Variants in GPC6 observed in about 807,000 individuals in gnomAD.
The protein encoded by GPC6 is glypican-6.
GPC6 carries 14 observed loss-of-function variants against 55.2 expected under a neutral mutation model. The observed-to-expected ratio is 0.25, with a 90% confidence interval of 0.17 to 0.40. GPC6 has a LOEUF of 0.40. Among genes scored for constraint, GPC6 ranks in the 10% least tolerant of loss-of-function variants. The pLI is 1.00. For missense variants in GPC6, 641 were observed against 708.5 expected, an observed-to-expected ratio of 0.90 and a Z score of 1.08; for synonymous variants, 278 against 259.6, an observed-to-expected ratio of 1.07 and a Z score of -0.68.
chr13:93,456,205 CT>C (rs34795961), intron 1 of GPC6, among the ~76,000 whole-genome samples: 66,005 of 151,802 alleles, frequency 0.43, 15,586 homozygotes, highest in Middle Eastern at 0.65. Context: ...TCCTCTAAAG[CT>C]TAAAAGCTTC....
chr13:93,954,048 A>G (rs1879384576), intron 3 of GPC6, among the ~76,000 whole-genome samples: 1 of 152,130 alleles, frequency 6.6e-6, no homozygotes, highest in East Asian at 1.9e-4. Flanking sequence ...TTGCCCAAGA[A>G]GTCACTCCCT....
intron 1 of GPC6, among the ~76,000 whole-genome samples, chr13:93,353,704 GTTT>G (rs950744597): frequency 6.6e-6 from 1 of 152,190 alleles, no homozygotes; most frequent in South Asian, 2.1e-4. Context: ...TGGGTCATCT[GTTT>G]TTTTGCTCGT....
intron 1 of GPC6, among the ~76,000 whole-genome samples, chr13:93,256,328 G>C (rs1876951896): frequency 6.6e-6 from 1 of 152,000 alleles, no homozygotes; most frequent in Non-Finnish European, 1.5e-5. Flanking sequence ...ATGGACAAGA[G>C]AGATCGTCAT....
At chr13:94,338,839 T>G (rs894710663) in intron 6 of GPC6, among the ~76,000 whole-genome samples, 1 of 152,158 alleles carries the variant, frequency 6.6e-6, no homozygotes, top group African/African-American at 2.4e-5. Context: ...AATTAGGGAC[T>G]GAGTCATGGT....
chr13:93,850,057 A>C (rs1025404226), intron 3 of GPC6, among the ~76,000 whole-genome samples: 3 of 152,074 alleles, frequency 2.0e-5, no homozygotes, highest in African/African-American at 7.2e-5. Context: ...GGCTGTTGTC[A>C]TGAATGAGCG....
intron 2 of GPC6, among the ~76,000 whole-genome samples, chr13:93,721,952 T>C (rs1052548964): frequency 6.6e-6 from 1 of 151,820 alleles, no homozygotes; most frequent in Non-Finnish European, 1.5e-5. Flanking sequence ...TTTGAAAAAT[T>C]CTAAGTAATG....
intron 1 of GPC6, among the ~76,000 whole-genome samples, chr13:93,250,709 T>C (rs1472748256): frequency 6.6e-6 from 1 of 152,144 alleles, no homozygotes; most frequent in Non-Finnish European, 1.5e-5. Context: ...CTAAAGTTGG[T>C]CCAGGTAGCC....
At chr13:93,579,415 A>G (rs1876828935) in intron 2 of GPC6, among the ~76,000 whole-genome samples, 1 of 152,028 alleles carries the variant, frequency 6.6e-6, no homozygotes, top group African/African-American at 2.4e-5. Flanking sequence ...TAGCTCAGAA[A>G]TATAATATAG....
intron 2 of GPC6, among the ~76,000 whole-genome samples, chr13:93,608,911 T>C (rs1440711659): frequency 6.6e-6 from 1 of 152,306 alleles, no homozygotes; most frequent in East Asian, 1.9e-4. Flanking sequence ...CATTTATGAG[T>C]ACCTACTATG....
chr13:93,293,927 T>C (rs1878398328), intron 1 of GPC6, among the ~76,000 whole-genome samples: 1 of 152,204 alleles, frequency 6.6e-6, no homozygotes, highest in African/African-American at 2.4e-5. Context: ...CTTGGCACTC[T>C]ATTCTTACTT....
intron 1 of GPC6, among the ~76,000 whole-genome samples, chr13:93,529,441 C>T (rs1334725827): frequency 6.6e-6 from 1 of 151,308 alleles, no homozygotes; most frequent in Non-Finnish European, 1.5e-5. Flanking sequence ...TGGTCTTATA[C>T]AGCTTGTGCT....
rs1203831465 is a variant in GPC6 at position 93,786,995 on chromosome 13, A to AT, written c.320-43155dup. Among the ~76,000 whole-genome samples the AT allele has an allele frequency of 2.0e-5, 3 of 152,316 alleles. No homozygotes were observed. The East Asian group carries it at 5.8e-4, about 29-fold the overall frequency. On this transcript the variant is annotated intron_variant, in intron 2 of 8. Transcript: ENST00000377047. ...AGCAAATCACTTCCTATTGTTGTAC[A>AT]TTTTAAGGATGTACTGAAAGGTACT...
At chr13:94,101,255 G>A (rs2138825914) in intron 4 of GPC6, among the ~76,000 whole-genome samples, 1 of 152,316 alleles carries the variant, frequency 6.6e-6, no homozygotes, top group East Asian at 1.9e-4. Flanking sequence ...CTCAGGTGAA[G>A]CGCAGCTCAA....
chr13:93,347,745 T>C (rs1332175587), intron 1 of GPC6, among the ~76,000 whole-genome samples: 1 of 152,184 alleles, frequency 6.6e-6, no homozygotes, highest in Non-Finnish European at 1.5e-5. Flanking sequence ...AAGTCTTCAA[T>C]GCACTCCAGG....
chr13:93,856,354 A>G (rs1219646500), intron 3 of GPC6, among the ~76,000 whole-genome samples: 1 of 151,592 alleles, frequency 6.6e-6, no homozygotes, highest in African/African-American at 2.4e-5. Context: ...AAGTCATCCA[A>G]ACATTAACAA....
chr13:94,356,696 C>T (rs1447746327), intron 6 of GPC6, among the ~76,000 whole-genome samples: 2 of 152,038 alleles, frequency 1.3e-5, no homozygotes, highest in East Asian at 1.9e-4. Context: ...TGGCAGGGAG[C>T]ACGTGGAAAG....
At chr13:93,815,635 G>A (rs1276398499) in intron 2 of GPC6, among the ~76,000 whole-genome samples, 1 of 152,128 alleles carries the variant, frequency 6.6e-6, no homozygotes, top group African/African-American at 2.4e-5. Flanking sequence ...TCTTTGAGAA[G>A]TATCCTGTGA....
upstream of GPC6, among the ~76,000 whole-genome samples, chr13:93,224,669 C>CGTTA (rs951700153): frequency 6.6e-6 from 1 of 152,208 alleles, no homozygotes; most frequent in African/African-American, 2.4e-5. Flanking sequence ...ACTTCCATAA[C>CGTTA]ATTCCATTCT....
chr13:93,320,939 G>A (rs1879416929), intron 1 of GPC6, among the ~76,000 whole-genome samples: 1 of 132,120 alleles, frequency 7.6e-6, no homozygotes, highest in South Asian at 2.4e-4. Flanking sequence ...TTTTTAAATT[G>A]CAATGGTTTT....
Sources: allele counts gnomAD v4.1 joint callset (sites outside exome capture counted in the v4.1 genomes callset), GRCh38; gene constraint gnomAD v4.1.1; transcripts MANE v1.5; gene names NCBI Gene and HGNC (gene_info 2026-07-23, HGNC 2026-07-21).